Variants in DNAJC13 observed in about 807,000 individuals in gnomAD.
The protein encoded by DNAJC13 is dnaJ homolog subfamily C member 13.
In DNAJC13, 75 loss-of-function variants were observed where a neutral mutation model predicts 290.5. The ratio of observed to expected loss-of-function variants is 0.26; its 90% CI spans 0.21 to 0.31. The LOEUF (loss-of-function observed/expected upper bound fraction) is 0.31. Ranked by LOEUF, DNAJC13 falls within the 10% of genes least tolerant of loss-of-function variation. The pLI is 1.00. For synonymous variants in DNAJC13, 862 were observed against 892.0 expected (o/e 0.97, Z 0.60); for missense variants, 2,260 against 2,674.5 (o/e 0.85, Z 3.42).
intron 51 of DNAJC13, among the ~76,000 whole-genome samples, chr3:132,525,274 A>T (rs1936219392): frequency 6.6e-6 from 1 of 152,172 alleles, no homozygotes; most frequent in Non-Finnish European, 1.5e-5. Context: ...TGGGAGGCAG[A>T]GGTTGTGGTG....
intron 41 of DNAJC13, 145 bp downstream of exon 41, chr3:132,503,526 A>G (rs560216894): frequency 3.3e-4 from 330 of 1,006,080 alleles, no homozygotes; most frequent in Non-Finnish European, 4.5e-4. Flanking sequence ...TTCACTTTAT[A>G]ATGGATTGAT....
At chr3:132,525,851 C>A in intron 52 of DNAJC13, 62 bp downstream of exon 52, 1 of 1,535,074 alleles carries the variant, frequency 6.5e-7, no homozygotes, top group South Asian at 1.2e-5. Flanking sequence ...CCCTTCTTGA[C>A]GGATATAAGT....
At chr3:132,486,381 A>T (rs898763391) in intron 29 of DNAJC13, among the ~76,000 whole-genome samples, 1 of 152,002 alleles carries the variant, frequency 6.6e-6, no homozygotes, top group Non-Finnish European at 1.5e-5. Context: ...GTCTTACGAA[A>T]CTGAAAGGAA....
intron 13 of DNAJC13, chr3:132,457,930 TA>T (rs1200664148): frequency 2.0e-5 from 3 of 152,218 alleles, no homozygotes; most frequent in Non-Finnish European, 4.4e-5. Flanking sequence ...AAACCTTCTG[TA>T]TCAGGAGGGA....
Position 132,503,243 on chromosome 3 carries a change from T to C in DNAJC13, c.4746T>C (p.Ser1582=), listed in dbSNP as rs1559902054. The C allele has an allele frequency of 3.1e-6, 5 of 1,613,952 alleles. No homozygotes were observed. In the South Asian group the frequency reaches 3.3e-5, roughly 11 times the overall value. Residue 1582 remains serine, a synonymous_variant, in exon 41 of 56, where the codon AGT becomes AGC. Transcript: ENST00000260818. ...QEVANSLAKL[S]VHALSRLGGY... ...TAGCAAACAGCCTTGCCAAACTGAGTGTCCATGCTCTGAGTCGCCTTGGAG... is the reference window on the plus strand; with the variant it reads ...TAGCAAACAGCCTTGCCAAACTGAGCGTCCATGCTCTGAGTCGCCTTGGAG...
intron 30 of DNAJC13, 98 bp from the exon 31 acceptor site, chr3:132,488,878 G>A: frequency 1.2e-6 from 1 of 862,842 alleles, no homozygotes; most frequent in Admixed American, 2.7e-5. Flanking sequence ...CCATTTGTGA[G>A]TTTTATTTAG....
At chr3:132,428,112 G>A (rs930915922) in intron 1 of DNAJC13, among the ~76,000 whole-genome samples, 1 of 152,132 alleles carries the variant, frequency 6.6e-6, no homozygotes, top group Non-Finnish European at 1.5e-5. Flanking sequence ...CCTGACTACT[G>A]TACTTGGAGG....
At chr3:132,420,690 C>T (rs1329180784) in intron 1 of DNAJC13, among the ~76,000 whole-genome samples, 1 of 152,092 alleles carries the variant, frequency 6.6e-6, no homozygotes, top group East Asian at 1.9e-4. Flanking sequence ...CCATCGCCCA[C>T]CAGAGAGACA....
At chr3:132,521,179 G>A (rs1020613261) in intron 48 of DNAJC13, among the ~76,000 whole-genome samples, 4 of 152,040 alleles carry the variant, frequency 2.6e-5, no homozygotes, top group Admixed American at 2.6e-4. Flanking sequence ...CAGGAGGATT[G>A]CTTAAGGCCA....
At chr3:132,492,690 C>T (rs1935100982) in intron 33 of DNAJC13, 75 bp downstream of exon 33, 2 of 1,310,276 alleles carry the variant, frequency 1.5e-6, no homozygotes, top group Admixed American at 3.7e-5. Flanking sequence ...ATTTTGTCCT[C>T]CTGCAGTAAG....
chr3:132,526,180 C>T lies in DNAJC13; in HGVS notation c.6280C>T (p.Pro2094Ser), dbSNP rs750886046. The change falls in exon 53 of 56, where the codon CCA (proline) becomes TCA (serine). Residue 2094 changes from proline (P) to serine (S), a missense_variant. Around this residue, in one of 3 missense-constraint regions of DNAJC13, gnomAD observed 1,494 missense variants for 1,693.7 expected, o/e 0.88. Coordinates refer to ENST00000260818, the MANE Select transcript of DNAJC13 (RefSeq NM_015268.4). ...RAMASLETIGPLMNGMKKRAD... is the reference protein window; with the variant it reads ...RAMASLETIGSLMNGMKKRAD... ...CATGGCATCTTTAGAGACCATTGGC[C>T]CACTGATGAATGGAATGAAAAAGCG... 2 of 1,613,946 alleles carry T rather than the reference C, an allele frequency of 1.2e-6. No homozygotes were observed. Among genetic ancestry groups the T allele is most frequent in the Non-Finnish European group, 1.7e-6 (2 of 1,179,966 alleles).
At chr3:132,467,146 A>G (rs776018405) in intron 19 of DNAJC13, 24 bp from the exon 20 acceptor site, 36 of 1,603,128 alleles carry the variant, frequency 2.2e-5, no homozygotes, top group Non-Finnish European at 3.0e-5. Flanking sequence ...CAGGCATGTA[A>G]TGGATTCCAA....
At chr3:132,446,342 A>C in intron 2 of DNAJC13, 133 bp from the exon 3 acceptor site, 1 of 597,658 alleles carries the variant, frequency 1.7e-6, no homozygotes, top group Non-Finnish European at 2.9e-6. Flanking sequence ...ATATATAACT[A>C]AGCTATATTT....
rs371625645 is a variant in DNAJC13, at chr3:132,511,033, C to G, written c.5116-34C>G. On this transcript the variant is annotated intron_variant, in intron 43 of 55. Coordinates refer to ENST00000260818, the MANE Select transcript of DNAJC13 (RefSeq NM_015268.4). The stretch of plus-strand genomic sequence containing the variant: ...GCTATGGAGTTATTTCTTAGGGCAC[C>G]CATGTTGTTTAAATACTTGTCTGCA... The G allele has an allele frequency of 1.8e-5, 28 of 1,599,448 alleles. No individual in the cohort carries two copies. In the African/African-American group the frequency reaches 3.2e-4, roughly 18 times the overall value.
intron 24 of DNAJC13, among the ~76,000 whole-genome samples, chr3:132,478,500 T>A (rs1934546946): frequency 6.6e-6 from 1 of 152,242 alleles, no homozygotes; most frequent in Non-Finnish European, 1.5e-5. Context: ...GATGCTACCA[T>A]ACTAAATTTA....
At chr3:132,464,546 T>C (rs1226941810) in intron 17 of DNAJC13, among the ~76,000 whole-genome samples, 1 of 152,230 alleles carries the variant, frequency 6.6e-6, no homozygotes, top group Admixed American at 6.5e-5. Flanking sequence ...GTTACAATAC[T>C]GTACATTTTC....
chr3:132,474,825 C>CTTT (rs35130364), intron 21 of DNAJC13, 107 bp from the exon 22 acceptor site: 1 of 56,934 alleles, frequency 1.8e-5, no homozygotes, highest in African/African-American at 9.2e-5. Context: ...CCCCCCCCCC[C>CTTT]CTTTTTTTTT....
At chr3:132,478,261 T>C (rs1934540136) in intron 24 of DNAJC13, 121 bp downstream of exon 24, 6 of 824,878 alleles carry the variant, frequency 7.3e-6, no homozygotes, top group Non-Finnish European at 1.1e-5. Flanking sequence ...TGCATTCATT[T>C]TTCTGTAATT....
At chr3:132,501,054 A>C in intron 39 of DNAJC13, 141 bp downstream of exon 39, 1 of 1,121,670 alleles carries the variant, frequency 8.9e-7, no homozygotes, top group Non-Finnish European at 1.3e-6. Flanking sequence ...AGCATTTTTC[A>C]CAGAAGCCTT....
Sources: allele counts gnomAD v4.1 joint callset (sites outside exome capture counted in the v4.1 genomes callset), GRCh38; gene constraint gnomAD v4.1.1; regional missense constraint gnomAD v4.1.1; transcripts MANE v1.5; gene names NCBI Gene and HGNC (gene_info 2026-07-23, HGNC 2026-07-21).